Variants in MTMR3 observed in about 807,000 individuals in gnomAD.
MTMR3 encodes myotubularin related protein 3.
MTMR3 carries 32 observed loss-of-function variants against 132.4 expected under a neutral mutation model. That is an observed-to-expected ratio of 0.24 (90% CI 0.18 to 0.32). The LOEUF is 0.32. Among genes scored for constraint, MTMR3 ranks in the 10% least tolerant of loss-of-function variants. The probability of loss-of-function intolerance (pLI) is 1.00; values close to 1 mark genes in which losing one functional copy is unlikely to be tolerated. For missense variants in MTMR3, 1,216 were observed against 1,489.6 expected, an observed-to-expected ratio of 0.82 and a Z score of 3.02; for synonymous variants, 556 against 550.3, an observed-to-expected ratio of 1.01 and a Z score of -0.14.
rs754287215 is a variant in MTMR3, at chr22:30,020,801, C to T, written c.3142C>T (p.Gln1048Ter). 6 of 1,613,546 alleles carry T rather than the reference C, an allele frequency of 3.7e-6. No individual in the cohort carries two copies. Among genetic ancestry groups the T allele is most frequent in the South Asian group, 1.1e-5 (1 of 91,012 alleles). ...GCAGGAAGTAGAAACTTTGAAGAAA[C>T]AAGTCCAGGAGCTGAAGAGTCGCCT... ...HQQEVETLKK[Q>*]VQELKSRLES... Residue 1048 changes from glutamine (Q) to a stop codon, truncating the protein, a stop_gained, in exon 17 of 20, where the codon CAA becomes TAA. Coordinates refer to ENST00000401950, the MANE Select transcript of MTMR3 (RefSeq NM_021090.4). LOFTEE classifies it high-confidence loss of function.
chr22:30,006,850 A>G (rs903526138), intron 9 of MTMR3: 53 of 415,562 alleles, frequency 1.3e-4, no homozygotes, highest in Non-Finnish European at 2.1e-4. Flanking sequence ...GTGAGCCTCC[A>G]TGCCTGACCC....
In MTMR3 at chr22:29,942,900, G is replaced by GGT. The variant is rs533591623; in HGVS notation, c.-137-14134_-137-14133dup. On this transcript the variant is annotated intron_variant, in intron 1 of 19. Coordinates refer to ENST00000401950, the MANE Select transcript of MTMR3 (RefSeq NM_021090.4). ...TAATGCAATCATCACAGGGTCCTGA[G>GGT]GTGACATACATCCTCCTCAGCTTAC... Among the ~76,000 whole-genome samples, 12 of 152,238 alleles carry GGT rather than the reference G, an allele frequency of 7.9e-5. No individual in the cohort carries two copies. The South Asian group carries it at 2.1e-3, about 26-fold the overall frequency.
At chr22:29,902,200 A>G (rs2065013916) in intron 1 of MTMR3, among the ~76,000 whole-genome samples, 1 of 152,190 alleles carries the variant, frequency 6.6e-6, no homozygotes, top group East Asian at 1.9e-4. Context: ...TGTTTGTATA[A>G]ATAATCTTAT....
chr22:29,969,768 G>T (rs1156275646), intron 2 of MTMR3, among the ~76,000 whole-genome samples: 1 of 152,110 alleles, frequency 6.6e-6, no homozygotes, highest in Non-Finnish European at 1.5e-5. Context: ...CTGACCTCGT[G>T]ATCTGCCTGC....
At chr22:29,904,819 GT>G (rs1555894102) in intron 1 of MTMR3, among the ~76,000 whole-genome samples, 1 of 93,440 alleles carries the variant, frequency 1.1e-5, no homozygotes, top group Non-Finnish European at 2.5e-5. Context: ...ATGTGTGTGT[GT>G]TGTGTGTGTG....
intron 1 of MTMR3, among the ~76,000 whole-genome samples, chr22:29,917,362 G>T (rs755775516): frequency 1.3e-5 from 2 of 152,164 alleles, no homozygotes; most frequent in Non-Finnish European, 2.9e-5. Flanking sequence ...GAGGAGCCAA[G>T]TGGCTCATGC....
At chr22:29,923,627 G>A (rs1813951902) in intron 1 of MTMR3, among the ~76,000 whole-genome samples, 1 of 152,144 alleles carries the variant, frequency 6.6e-6, no homozygotes, top group Admixed American at 6.6e-5. Flanking sequence ...ACTCTGGGTG[G>A]CTTAAACAAC....
At chr22:29,999,023 G>A (rs569490788) in intron 8 of MTMR3, 166 bp downstream of exon 8, 9 of 459,098 alleles carry the variant, frequency 2.0e-5, no homozygotes, top group East Asian at 2.0e-4. Flanking sequence ...TTCTGTTCCC[G>A]TTGCTATCAT....
chr22:30,011,542 T>C (rs1380253659), intron 12 of MTMR3: 1 of 152,232 alleles, frequency 6.6e-6, no homozygotes, highest in African/African-American at 2.4e-5. Flanking sequence ...TTTGAATTTT[T>C]AGTAGAGATG....
intron 1 of MTMR3, among the ~76,000 whole-genome samples, chr22:29,951,290 CTCT>C (rs1345874728): frequency 6.6e-6 from 1 of 152,126 alleles, no homozygotes; most frequent in Non-Finnish European, 1.5e-5. Flanking sequence ...TGGTTTTAAT[CTCT>C]TCTGCTGCTA....
intron 1 of MTMR3, among the ~76,000 whole-genome samples, chr22:29,887,377 A>G (rs1481341673): frequency 6.6e-6 from 1 of 152,222 alleles, no homozygotes; most frequent in Non-Finnish European, 1.5e-5. Context: ...TATGAAAAGC[A>G]TTCTAAAAAT....
At position 30,030,647 on chromosome 22, in the gene MTMR3, G is replaced by GGT. The variant is rs1555928371; in HGVS notation, c.*4847_*4848dup. ...CTCAGCGAGGAGGGGGCGGGGGGGG[G>GGT]GTCACTATTTATCTTCCAGAGGCAG... On this transcript the variant is annotated 3_prime_UTR_variant, in exon 20 of 20. Transcript: ENST00000401950. 817 of 75,936 alleles carry GGT rather than the reference G, an allele frequency of 0.011. 24 individuals carry two copies. Among genetic ancestry groups the GGT allele is most frequent in the Middle Eastern group, 0.056 (8 of 142 alleles). 4.7% of individuals were successfully genotyped at this position (75,936 alleles called of 1,614,324 possible).
chr22:30,016,114 C>A, intron 14 of MTMR3: 1 of 191,916 alleles, frequency 5.2e-6, no homozygotes, highest in African/African-American at 2.3e-5. Flanking sequence ...TGCTACATGC[C>A]CAGCACCTTA....
intron 1 of MTMR3, among the ~76,000 whole-genome samples, chr22:29,933,752 TAG>T (rs1569011470): frequency 1.3e-5 from 2 of 151,100 alleles, no homozygotes; most frequent in African/African-American, 2.4e-5. Flanking sequence ...TTTTTTTTTT[TAG>T]GAGACTGGGT....
chr22:29,986,679 T>C (rs1376467997), intron 5 of MTMR3: 6 of 803,474 alleles, frequency 7.5e-6, no homozygotes, highest in Non-Finnish European at 9.0e-6. Context: ...TTTTTTGTTT[T>C]TGAGATGGAG....
rs1200547714 is a variant in MTMR3, at chr22:30,030,640, G to GC, written c.*4839_*4840insC. ...AGGGGCTCTCAGCGAGGAGGGGGCG[G>GC]GGGGGGGGTCACTATTTATCTTCCA... On this transcript the variant is annotated 3_prime_UTR_variant, in exon 20 of 20. Coordinates refer to ENST00000401950, the MANE Select transcript of MTMR3 (RefSeq NM_021090.4). 8 of 103,176 alleles carry GC rather than the reference G, an allele frequency of 7.8e-5. No homozygotes were observed. Among genetic ancestry groups the GC allele is most frequent in the East Asian group, 9.0e-4 (2 of 2,226 alleles). 6.4% of individuals were successfully genotyped at this position (103,176 alleles called of 1,614,324 possible). A position where few individuals can be genotyped will look rare whatever the true frequency, so the allele number is the denominator to read the frequency against.
intron 12 of MTMR3, chr22:30,009,364 A>G: frequency 4.1e-6 from 2 of 486,074 alleles, no homozygotes; most frequent in Non-Finnish European, 7.4e-6. Context: ...GAAAGGTTTT[A>G]AAATCTGCAG....
At chr22:30,013,572 A>G (rs2067489885) in intron 14 of MTMR3, 31 bp downstream of exon 14, 6 of 1,603,850 alleles carry the variant, frequency 3.7e-6, no homozygotes, top group African/African-American at 1.3e-5. Flanking sequence ...GACTTTCTCA[A>G]TTTGAAGGAG....
chr22:30,005,167 C>G (rs1014507997), intron 9 of MTMR3: 4 of 152,108 alleles, frequency 2.6e-5, no homozygotes, highest in Non-Finnish European at 4.4e-5. Flanking sequence ...TTGAAGCATT[C>G]TGTGTTTTAG....
Sources: allele counts gnomAD v4.1 joint callset (sites outside exome capture counted in the v4.1 genomes callset), GRCh38; gene constraint gnomAD v4.1.1; transcripts MANE v1.5; gene names NCBI Gene and HGNC (gene_info 2026-07-23, HGNC 2026-07-21).